DMBX1: variants seen among roughly 807,000 people sequenced by gnomAD.
DMBX1 encodes the protein diencephalon/mesencephalon homeobox 1.
Under a neutral mutation model 30.4 loss-of-function variants are expected in DMBX1, and 7 were observed. That is an observed-to-expected ratio of 0.23 (90% CI 0.13 to 0.43). The LOEUF is 0.43. Ranked by LOEUF, DMBX1 falls within the 20% of genes least tolerant of loss-of-function variation. The pLI is 1.00. For missense variants in DMBX1, 460 were observed against 508.5 expected (o/e 0.90, Z 0.92); for synonymous variants, 222 against 214.2 (o/e 1.04, Z -0.32).
chr1:46,493,075 C>A lies in DMBX1; in HGVS notation c.-13+2292C>A, dbSNP rs936354276. ...TCAAGGAGCCAGTCTTCACCTCCCC[C>A]ACCCCTGCCTTCCCATTTCGCCCCC... On this transcript the variant is annotated intron_variant, in intron 2 of 5. Transcript: ENST00000360032. This position sits in a 1 kb window ranked among gnomAD's most constrained non-coding sequence, Gnocchi z 4.1. 1.3e-5 allele frequency among the ~76,000 whole-genome samples: 2 copies of A among 152,192 alleles called. No homozygotes were observed. Among genetic ancestry groups the A allele is most frequent in the African/African-American group, 4.8e-5 (2 of 41,438 alleles).
chr1:46,494,371 G>C (rs74342198), intron 2 of DMBX1, among the ~76,000 whole-genome samples: 5 of 152,194 alleles, frequency 3.3e-5, no homozygotes, highest in African/African-American at 1.2e-4. Flanking sequence ...TAAGGACCTC[G>C]GAAAACTGGA....
chr1:46,494,317 A>C lies in DMBX1; in HGVS notation c.-13+3534A>C, dbSNP rs1292106165. 6.6e-5 allele frequency among the ~76,000 whole-genome samples: 10 copies of C among 152,156 alleles called. No homozygotes were observed. The East Asian group carries it at 1.5e-3, about 23-fold the overall frequency. On this transcript the variant is annotated intron_variant, in intron 2 of 5. Coordinates refer to ENST00000360032, the MANE Select transcript of DMBX1 (RefSeq NM_172225.2). Reference sequence around the variant, plus strand: ...CTGCATTTTGCTGCCTTAAAAGAACAAAAAATTAACTCCAGCCGCCTGATT... The same window carrying C: ...CTGCATTTTGCTGCCTTAAAAGAACCAAAAATTAACTCCAGCCGCCTGATT...
At chr1:46,504,032 A>C (rs1000971459) in intron 2 of DMBX1, among the ~76,000 whole-genome samples, 1 of 152,236 alleles carries the variant, frequency 6.6e-6, no homozygotes. Flanking sequence ...AATAAGGCTC[A>C]TGTCCTTCGC....
intron 2 of DMBX1, among the ~76,000 whole-genome samples, chr1:46,496,822 C>G (rs1666033165): frequency 6.6e-6 from 1 of 152,190 alleles, no homozygotes; most frequent in Admixed American, 6.5e-5. Context: ...ACAAAGCAGC[C>G]TGGAGTTGGG....
chr1:46,512,298 A>G lies in DMBX1; in HGVS notation c.938A>G (p.Gln313Arg). ...GCCCCGCTGGGCTCACTGCACTGCC[A>G]GTCCTACTACCAGTCCCTGTCAGCA... is the stretch of plus-strand genomic sequence containing the variant. ...NMAPLGSLHC[Q>R]SYYQSLSAAA... Residue 313 changes from glutamine to arginine, a missense_variant, in exon 6 of 6, where the codon CAG becomes CGG. Gln to Arg is a conservative substitution (Grantham distance 43). Coordinates refer to ENST00000360032, the MANE Select transcript of DMBX1 (RefSeq NM_172225.2). This position sits in a 1 kb window ranked among gnomAD's most constrained non-coding sequence, Gnocchi z 4.8. The G allele has an allele frequency of 2.5e-6, 4 of 1,613,542 alleles. No homozygotes were observed. Among genetic ancestry groups the G allele is most frequent in the Non-Finnish European group, 3.4e-6 (4 of 1,179,884 alleles).
Position 46,504,731 on chromosome 1 carries a change from G to GT in DMBX1, c.-12-2262dup, listed in dbSNP as rs879605151. Among the ~76,000 whole-genome samples the GT allele has an allele frequency of 1.7e-3, 254 of 151,064 alleles. 1 individual carries two copies. The highest frequency in any genetic ancestry group is 2.7e-3 in the Admixed American group (41 of 15,158). On this transcript the variant is annotated intron_variant, in intron 2 of 5. Transcript: ENST00000360032. Reference sequence around the variant, plus strand: ...TTGGTTCCATATGAACTTTAAAATAGTTTTTTCCAATTCTGTGAAGAAAGT... The same window carrying GT: ...TTGGTTCCATATGAACTTTAAAATAGTTTTTTTCCAATTCTGTGAAGAAAGT...
At chr1:46,494,606 G>C (rs1380533871) in intron 2 of DMBX1, among the ~76,000 whole-genome samples, 1 of 152,192 alleles carries the variant, frequency 6.6e-6, no homozygotes, top group Non-Finnish European at 1.5e-5. Flanking sequence ...CTCCCAGTGG[G>C]TTCTTCTCCT....
Position 46,512,866 on chromosome 1 carries a change from A to C in DMBX1, c.*372A>C. The C allele has an allele frequency of 4.9e-6, 1 of 204,494 alleles. No individual in the cohort carries two copies. Among genetic ancestry groups the C allele is most frequent in the South Asian group, 1.5e-4 (1 of 6,748 alleles). The allele number at this position is 204,494 out of a possible 1,614,324, so 12.7% of individuals were successfully genotyped here. On this transcript the variant is annotated 3_prime_UTR_variant, in exon 6 of 6. Transcript: ENST00000360032. The surrounding 1 kb of genome is among the most constrained non-coding windows in gnomAD (Gnocchi z 4.8). ...GTGTGGAATGTGAGATATAAATATA[A>C]ATATATAAAGCTATATTTTCAGGCT...
chr1:46,510,381 G>A lies in DMBX1; in HGVS notation c.155-95G>A, dbSNP rs944985418. The A allele has an allele frequency of 4.8e-6, 7 of 1,446,658 alleles. No individual in the cohort carries two copies. Among genetic ancestry groups the A allele is most frequent in the Non-Finnish European group, 6.5e-6 (7 of 1,084,190 alleles). The allele number at this position is 1,446,658 out of a possible 1,614,324, so 89.6% of individuals were successfully genotyped here. ...GGCCAGCTCTGGCAGCAGCCTGGGTGTCCACAGTGGGTCAGAGCAGGATAA... is the reference window on the plus strand; with the variant it reads ...GGCCAGCTCTGGCAGCAGCCTGGGTATCCACAGTGGGTCAGAGCAGGATAA... On this transcript the variant is annotated intron_variant, in intron 3 of 5. Coordinates refer to ENST00000360032, the MANE Select transcript of DMBX1 (RefSeq NM_172225.2). The surrounding 1 kb of genome is among the most constrained non-coding windows in gnomAD (Gnocchi z 4.1).
intron 2 of DMBX1, among the ~76,000 whole-genome samples, chr1:46,501,431 T>C (rs1214401258): frequency 6.6e-6 from 1 of 151,066 alleles, no homozygotes; most frequent in African/African-American, 2.4e-5. Context: ...CAGGTGTGGG[T>C]CACCACACCC....
At position 46,514,175 on chromosome 1, in the gene DMBX1, T is replaced by G. The variant is rs993386877; in HGVS notation, c.*1681T>G. 1 of 150,332 alleles carries G rather than the reference T, an allele frequency of 6.7e-6. No individual in the cohort carries two copies. The highest frequency in any genetic ancestry group is 1.5e-5 in the Non-Finnish European group (1 of 67,914). 9.3% of individuals were successfully genotyped at this position (150,332 alleles called of 1,614,324 possible). On this transcript the variant is annotated 3_prime_UTR_variant, in exon 6 of 6. Coordinates refer to ENST00000360032, the MANE Select transcript of DMBX1 (RefSeq NM_172225.2). ...TTGCAGTGAGCCGAGATCATGCCAC[T>G]GCACTCCAGCCTGGGCGACGGAGTG... is the stretch of plus-strand genomic sequence containing the variant.
At position 46,512,252 on chromosome 1, in the gene DMBX1, C is replaced by T. The variant is rs746277069; in HGVS notation, c.892C>T (p.Pro298Ser). Residue 298 changes from proline (P) to serine (S), a missense_variant, in exon 6 of 6, where the codon CCC becomes TCC. Coordinates refer to ENST00000360032, the MANE Select transcript of DMBX1 (RefSeq NM_172225.2). This position sits in a 1 kb window ranked among gnomAD's most constrained non-coding sequence, Gnocchi z 4.8. ...PAAAAAAAAV[P>S]YLGVNMAPLG... Reference sequence around the variant, plus strand: ...TGCTGCAGCGGCGGCTGCTGCTGTGCCCTACCTGGGCGTCAACATGGCCCC... The same window carrying T: ...TGCTGCAGCGGCGGCTGCTGCTGTGTCCTACCTGGGCGTCAACATGGCCCC... 1.9e-6 allele frequency: 3 copies of T among 1,613,686 alleles called. No individual in the cohort carries two copies. The highest frequency in any genetic ancestry group is 2.5e-6 in the Non-Finnish European group (3 of 1,179,920).
At chr1:46,506,379 G>A (rs576079099) in intron 2 of DMBX1, among the ~76,000 whole-genome samples, 2 of 152,352 alleles carry the variant, frequency 1.3e-5, no homozygotes, top group African/African-American at 4.8e-5. Context: ...TCATTTCAAA[G>A]CAAATGCCTC....
chr1:46,512,449 C>G lies in DMBX1; in HGVS notation c.1089C>G (p.Ala363=), dbSNP rs1264133692. The G allele has an allele frequency of 6.2e-7, 1 of 1,613,554 alleles. No homozygotes were observed. The highest frequency in any genetic ancestry group is 8.5e-7 in the Non-Finnish European group (1 of 1,179,856). ...TTSIENLRLR[A]KQHAASLGLD... ...GCATCGAGAACCTGCGGCTCCGGGCCAAGCAGCACGCGGCCTCCCTGGGAC... is the reference window on the plus strand; with the variant it reads ...GCATCGAGAACCTGCGGCTCCGGGCGAAGCAGCACGCGGCCTCCCTGGGAC... Residue 363 remains alanine (A), a synonymous_variant, in exon 6 of 6, where the codon GCC becomes GCG. Transcript: ENST00000360032. This position sits in a 1 kb window ranked among gnomAD's most constrained non-coding sequence, Gnocchi z 4.8.
At chr1:46,501,050 A>AC (rs1172033214) in intron 2 of DMBX1, among the ~76,000 whole-genome samples, 2 of 152,138 alleles carry the variant, frequency 1.3e-5, no homozygotes, top group Non-Finnish European at 2.9e-5. Flanking sequence ...TAGGAGAATG[A>AC]CCATCTGCCA....
intron 3 of DMBX1, among the ~76,000 whole-genome samples, chr1:46,508,815 ACCCC>A (rs1666291716): frequency 1.2e-5 from 1 of 82,366 alleles, no homozygotes; most frequent in African/African-American, 4.5e-5. Flanking sequence ...CACGCCCCCC[ACCCC>A]CCACCCCCCA....
chr1:46,498,580 G>C (rs1208951757), intron 2 of DMBX1, among the ~76,000 whole-genome samples: 1 of 151,952 alleles, frequency 6.6e-6, no homozygotes, highest in Non-Finnish European at 1.5e-5. Flanking sequence ...ACTTTCTAGG[G>C]TACCATTTAG....
intron 2 of DMBX1, among the ~76,000 whole-genome samples, chr1:46,505,135 C>G (rs1666206986): frequency 1.4e-5 from 2 of 141,886 alleles, no homozygotes; most frequent in African/African-American, 5.3e-5. Context: ...AATAGGAACA[C>G]TTTTACACTG....
In DMBX1 at chr1:46,510,536, C is replaced by A. The variant is rs1358559032; in HGVS notation, c.215C>A (p.Ala72Glu). The part of the protein sequence containing the change: ...QHRKQRRSRT[A>E]FTAQQLEALE... ...CGCAAACAACGTCGCAGCCGCACAG[C>A]GTTCACGGCTCAGCAGCTCGAGGCC... The change falls in exon 4 of 6, where the codon GCG becomes GAG. Residue 72 changes from alanine (A) to glutamate (E), a missense_variant. This residue lies in a region of DMBX1 where 124 missense variants were observed against 144.0 expected (regional missense o/e 0.86). Transcript: ENST00000360032. This position sits in a 1 kb window ranked among gnomAD's most constrained non-coding sequence, Gnocchi z 4.1. 6.2e-7 allele frequency: 1 copy of A among 1,614,036 alleles called. No individual in the cohort carries two copies.
Sources: gnomAD v4.1 joint callset for allele counts (sites outside exome capture counted in the v4.1 genomes callset) on GRCh38, gnomAD v4.1.1 for gene constraint, gnomAD v4.1.1 regional missense constraint, Gnocchi (gnomAD v3.1) non-coding constraint, MANE v1.5 for transcripts, NCBI Gene and HGNC (gene_info 2026-07-23, HGNC 2026-07-21) for gene names.